The following AK6 variants were observed in gnomAD, a reference collection of about 807,000 sequenced individuals.
The protein encoded by AK6 is adenylate kinase isoenzyme 6.
Under a neutral mutation model 23.7 loss-of-function variants are expected in AK6, and 24 were observed. That is an observed-to-expected ratio of 1.01 (90% CI 0.73 to 1.43). The LOEUF (loss-of-function observed/expected upper bound fraction) is 1.43. AK6 is among the 40% of genes most tolerant of loss of function. The probability of loss-of-function intolerance (pLI) is 0.00; values close to 1 mark genes in which losing one functional copy is unlikely to be tolerated. For synonymous variants in AK6, 73 were observed against 69.8 expected (o/e 1.05, Z -0.23); for missense variants, 191 against 199.1 (o/e 0.96, Z 0.24).
intron 1 of AK6, chr5:69,368,820 T>C (rs4252221): frequency 0.84 from 128,022 of 152,172 alleles, 55,506 homozygotes; most frequent in Non-Finnish European, 0.95. Context: ...ACTGATAACA[T>C]GCACCCTGAG....
chr5:69,366,718 C>A lies in AK6; in HGVS notation c.29-123G>T, dbSNP rs546114279. 40 of 708,172 alleles carry A rather than the reference C, an allele frequency of 5.6e-5. No individual in the cohort carries two copies. The African/African-American group carries it at 6.2e-4, about 11-fold the overall frequency. The allele number at this position is 708,172 out of a possible 1,614,324, so 43.9% of individuals were successfully genotyped here. A position where few individuals can be genotyped will look rare whatever the true frequency, so the allele number is the denominator to read the frequency against. On this transcript the variant is annotated intron_variant, in intron 1 of 4. Transcript: ENST00000380822. Reference sequence around the variant, plus strand: ...CACCTGGCCTCTGCCCTTAAAAGTTCTTGACGACTGAAATGAAAAATTTCC... The same window carrying A: ...CACCTGGCCTCTGCCCTTAAAAGTTATTGACGACTGAAATGAAAAATTTCC...
At chr5:69,367,585 ATC>A (rs1762506965) in intron 1 of AK6, among the ~76,000 whole-genome samples, 1 of 151,664 alleles carries the variant, frequency 6.6e-6, no homozygotes, top group Non-Finnish European at 1.5e-5. Flanking sequence ...AAGACAAGAT[ATC>A]TCTTTGTTAC....
intron 1 of AK6, among the ~76,000 whole-genome samples, chr5:69,367,128 C>A (rs1762465038): frequency 6.6e-6 from 1 of 152,072 alleles, no homozygotes; most frequent in African/African-American, 2.4e-5. Flanking sequence ...AGAATATTAC[C>A]CAGTGTATTG....
In AK6 at chr5:69,353,588, G is replaced by A. The variant is rs772195167; in HGVS notation, c.327-1335C>T. Among the ~76,000 whole-genome samples the A allele has an allele frequency of 8.6e-5, 13 of 151,916 alleles. No homozygotes were observed. The South Asian group carries it at 1.2e-3, about 15-fold the overall frequency. On this transcript the variant is annotated intron_variant, in intron 4 of 4. Coordinates refer to ENST00000380822, the MANE Select transcript of AK6 (RefSeq NM_016283.5). ...TGGAATTACAGGCGTGAGCCACCGC[G>A]CCCACCCCCAAAATTTTCTAAAATT...
chr5:69,369,603 C>T, upstream of AK6: 1 of 1,585,886 alleles, frequency 6.3e-7, no homozygotes, highest in Admixed American at 1.8e-5. Flanking sequence ...GCCCCGAAGC[C>T]CACCGCGGCG....
rs1762343614 is a variant in AK6 at position 69,364,782 on chromosome 5, G to A, written c.121+1721C>T. On this transcript the variant is annotated intron_variant, in intron 2 of 4. Transcript: ENST00000380822. Reference sequence around the variant, plus strand: ...ACTTTATTTTTCTTACACTTTTAAGGCTGATGAAAAACCTTCATTTCAATT... The same window carrying A: ...ACTTTATTTTTCTTACACTTTTAAGACTGATGAAAAACCTTCATTTCAATT... 4 of 722,858 alleles carry A rather than the reference G, an allele frequency of 5.5e-6. No homozygotes were observed. The South Asian group carries it at 7.4e-5, about 13-fold the overall frequency. 44.8% of individuals were successfully genotyped at this position (722,858 alleles called of 1,614,324 possible). A position where few individuals can be genotyped will look rare whatever the true frequency, so the allele number is the denominator to read the frequency against.
At chr5:69,367,052 C>A (rs1211496593) in intron 1 of AK6, among the ~76,000 whole-genome samples, 1 of 152,042 alleles carries the variant, frequency 6.6e-6, no homozygotes, top group African/African-American at 2.4e-5. Context: ...AGCCACCATG[C>A]CTGGCCATAT....
intron 2 of AK6, among the ~76,000 whole-genome samples, chr5:69,356,897 TAAG>T (rs1762097531): frequency 6.6e-6 from 1 of 152,156 alleles, no homozygotes; most frequent in African/African-American, 2.4e-5. Flanking sequence ...AAATTTAACA[TAAG>T]AACTTTCCAA....
At chr5:69,366,476 C>T (rs1353658028) in intron 2 of AK6, 27 bp downstream of exon 2, 1 of 1,575,224 alleles carries the variant, frequency 6.3e-7, no homozygotes, top group East Asian at 2.2e-5. Context: ...AAAAACAAAA[C>T]AAATCTAACA....
Position 69,366,592 on chromosome 5 carries a change from G to A in AK6, c.32C>T (p.Thr11Ile), listed in dbSNP as rs759584908. Residue 11 changes from threonine to isoleucine, a missense_variant, in exon 2 of 5, where the codon ACA (threonine) becomes ATA (isoleucine). Coordinates refer to ENST00000380822, the MANE Select transcript of AK6 (RefSeq NM_016283.5). MLLPNILLTG[T>I]PGVGKTTLGK... The stretch of plus-strand genomic sequence containing the variant: ...TAGTGTGGTTTTTCCAACCCCTGGT[G>A]TACCTGTAAGACAAGCCACAGAAAA... 3 of 1,611,460 alleles carry A rather than the reference G, an allele frequency of 1.9e-6. No individual in the cohort carries two copies. Among genetic ancestry groups the A allele is most frequent in the Non-Finnish European group, 2.5e-6 (3 of 1,177,780 alleles).
chr5:69,365,683 T>C (rs781017754), intron 2 of AK6: 3 of 1,601,192 alleles, frequency 1.9e-6, no homozygotes, highest in South Asian at 2.2e-5. Context: ...ATTTGTGCCA[T>C]CATCTGTGCA....
intron 2 of AK6, among the ~76,000 whole-genome samples, chr5:69,363,131 G>C (rs560277887): frequency 4.3e-4 from 66 of 152,086 alleles, no homozygotes; most frequent in South Asian, 1.0e-3. Context: ...GGGAGGCTGA[G>C]GCAGGATGAT....
intron 2 of AK6, among the ~76,000 whole-genome samples, chr5:69,357,958 T>C (rs1762124854): frequency 6.6e-6 from 1 of 152,188 alleles, no homozygotes; most frequent in South Asian, 2.1e-4. Flanking sequence ...AAAAATACTA[T>C]GTAGTATAGA....
Position 69,355,659 on chromosome 5 carries a change from G to T in AK6, c.316C>A (p.Leu106Ile). The T allele has an allele frequency of 6.3e-7, 1 of 1,595,378 alleles. No homozygotes were observed. ...TTTTTCCTTTCTTACCTTGTTTCAA[G>T]TCTTTCGTACAATACATTGGTATCT... is the stretch of plus-strand genomic sequence containing the variant. ...RTDTNVLYER[L>I]ETRGYNEKKL... Residue 106 changes from leucine to isoleucine, a missense_variant, in exon 4 of 5, where the codon CTT becomes ATT. Transcript: ENST00000380822.
At chr5:69,369,238 C>CCCCCCCCA in intron 1 of AK6, 1 of 156,870 alleles carries the variant, frequency 6.4e-6, no homozygotes. Flanking sequence ...CCCCCCCCGC[C>CCCCCCCCA]CCCCCCCGGA....
At chr5:69,365,413 G>A in intron 2 of AK6, 1 of 1,614,186 alleles carries the variant, frequency 6.2e-7, no homozygotes, top group Non-Finnish European at 8.5e-7. Flanking sequence ...CCTGAATATG[G>A]CTTGATCAAT....
At chr5:69,368,738 T>TA (rs1003030835) in intron 1 of AK6, 8 of 152,204 alleles carry the variant, frequency 5.3e-5, no homozygotes, top group African/African-American at 1.9e-4. Flanking sequence ...TACAATTTGA[T>TA]AAACACTTTC....
rs774114904 is a variant in AK6 at position 69,355,771 on chromosome 5, T to C, written c.204A>G (p.Gln68=). The change falls in exon 4 of 5, where the codon CAA becomes CAG. Residue 68 remains glutamine, a synonymous_variant. Coordinates refer to ENST00000380822, the MANE Select transcript of AK6 (RefSeq NM_016283.5). ...EDRVVDELDN[Q]MREGGVIVDY... Reference sequence around the variant, plus strand: ...CAACAATAACTCCACCTTCTCTCATTTGGTTATCTAACTCATCAACTACCT... The same window carrying C: ...CAACAATAACTCCACCTTCTCTCATCTGGTTATCTAACTCATCAACTACCT... The C allele has an allele frequency of 6.2e-6, 10 of 1,611,172 alleles. No homozygotes were observed. The highest frequency in any genetic ancestry group is 1.3e-5 in the African/African-American group (1 of 74,912).
At chr5:69,363,840 C>T (rs1762311031) in intron 2 of AK6, among the ~76,000 whole-genome samples, 1 of 151,938 alleles carries the variant, frequency 6.6e-6, no homozygotes, top group African/African-American at 2.4e-5. Flanking sequence ...GTAATCCCAG[C>T]ACTCTGGGAG....
Sources: allele counts gnomAD v4.1 joint callset (sites outside exome capture counted in the v4.1 genomes callset), GRCh38; gene constraint gnomAD v4.1.1; transcripts MANE v1.5; gene names NCBI Gene and HGNC (gene_info 2026-07-23, HGNC 2026-07-21).